The following PAPPA2 variants were observed in gnomAD, a reference collection of about 807,000 sequenced individuals.
The protein encoded by PAPPA2 is pappalysin 2, also known as pappalysin-2.
Under a neutral mutation model 176.4 loss-of-function variants are expected in PAPPA2, and 86 were observed. That is an observed-to-expected ratio of 0.49 (90% CI 0.41 to 0.58). The LOEUF is 0.58. Ranked by LOEUF, PAPPA2 falls within the 20% of genes least tolerant of loss-of-function variation. The pLI is 0.00. For synonymous variants in PAPPA2, 809 were observed against 852.2 expected (o/e 0.95, Z 0.88); for missense variants, 2,073 against 2,256.9 (o/e 0.92, Z 1.65).
intron 1 of PAPPA2, among the ~76,000 whole-genome samples, chr1:176,534,003 C>G (rs1221060776): frequency 6.6e-6 from 1 of 152,144 alleles, no homozygotes; most frequent in African/African-American, 2.4e-5. Flanking sequence ...TAAATGTTGA[C>G]TTACATTTTG....
At chr1:176,583,625 G>A (rs959971381) in intron 2 of PAPPA2, among the ~76,000 whole-genome samples, 14 of 151,986 alleles carry the variant, frequency 9.2e-5, no homozygotes, top group Non-Finnish European at 1.8e-4. Flanking sequence ...ATTTTTTAGC[G>A]ACATGGTCTC....
intron 3 of PAPPA2, among the ~76,000 whole-genome samples, chr1:176,665,572 T>C (rs1189749064): frequency 6.6e-6 from 1 of 152,218 alleles, no homozygotes; most frequent in Non-Finnish European, 1.5e-5. Flanking sequence ...ACTGCTTGTC[T>C]ATCCTGGATT....
At chr1:176,496,573 G>T (rs1647641206) in intron 1 of PAPPA2, among the ~76,000 whole-genome samples, 1 of 152,086 alleles carries the variant, frequency 6.6e-6, no homozygotes, top group Non-Finnish European at 1.5e-5. Flanking sequence ...GTTGTCTTTG[G>T]TGTCAGTTGG....
chr1:176,515,229 T>A (rs1199417471), intron 1 of PAPPA2, among the ~76,000 whole-genome samples: 1 of 152,130 alleles, frequency 6.6e-6, no homozygotes, highest in African/African-American at 2.4e-5. Context: ...GAGAGGGACT[T>A]GCAAATGTTA....
chr1:176,696,058 C>T (rs1301247460), intron 7 of PAPPA2, among the ~76,000 whole-genome samples, 199 bp downstream of exon 7: 2 of 150,688 alleles, frequency 1.3e-5, no homozygotes, highest in African/African-American at 4.9e-5. Context: ...GCAGAATGTT[C>T]CATATGTGCC....
At chr1:176,484,611 C>T (rs1035551767) in intron 1 of PAPPA2, among the ~76,000 whole-genome samples, 5 of 152,164 alleles carry the variant, frequency 3.3e-5, no homozygotes, top group African/African-American at 1.2e-4. Flanking sequence ...GGATTCTTTC[C>T]TCAGCCATGT....
intron 1 of PAPPA2, among the ~76,000 whole-genome samples, chr1:176,505,807 G>T (rs1019574546): frequency 1.3e-5 from 2 of 151,850 alleles, no homozygotes; most frequent in Admixed American, 1.3e-4. Flanking sequence ...GAGTTGCACA[G>T]GAAATGAGGT....
chr1:176,578,656 G>C (rs1202074361), intron 2 of PAPPA2, among the ~76,000 whole-genome samples: 1 of 152,152 alleles, frequency 6.6e-6, no homozygotes, highest in African/African-American at 2.4e-5. Flanking sequence ...AGGTAGTCAA[G>C]GAAGACTTCA....
intron 12 of PAPPA2, among the ~76,000 whole-genome samples, chr1:176,736,355 T>G (rs1571248982): frequency 6.6e-6 from 1 of 151,778 alleles, no homozygotes; most frequent in East Asian, 1.9e-4. Context: ...TAAAATGTAT[T>G]TCTTTTGTAC....
chr1:176,480,350 G>T (rs1652335756), intron 1 of PAPPA2, among the ~76,000 whole-genome samples: 1 of 152,184 alleles, frequency 6.6e-6, no homozygotes, highest in Non-Finnish European at 1.5e-5. Flanking sequence ...CATGGCTTTT[G>T]GGCAGGCTGA....
chr1:176,558,724 G>T (rs1651478247), intron 2 of PAPPA2, among the ~76,000 whole-genome samples: 1 of 152,158 alleles, frequency 6.6e-6, no homozygotes, highest in Admixed American at 6.5e-5. Flanking sequence ...ATTTCTCCCA[G>T]ATGACATCTT....
intron 21 of PAPPA2, among the ~76,000 whole-genome samples, chr1:176,820,662 C>T (rs921169653): frequency 6.6e-6 from 1 of 152,276 alleles, no homozygotes; most frequent in Non-Finnish European, 1.5e-5. Context: ...CTTCTCCCTT[C>T]CCTCTGCCTC....
At chr1:176,765,959 G>C in intron 15 of PAPPA2, 122 bp downstream of exon 15, 1 of 1,160,224 alleles carries the variant, frequency 8.6e-7, no homozygotes, top group Non-Finnish European at 1.2e-6. Flanking sequence ...GCAAAACATG[G>C]GGGCTCTAAC....
chr1:176,738,828 A>C (rs1408074020), intron 12 of PAPPA2, among the ~76,000 whole-genome samples: 1 of 152,082 alleles, frequency 6.6e-6, no homozygotes, highest in East Asian at 1.9e-4. Flanking sequence ...ACTCTCTAAG[A>C]TGTTTTTTTT....
intron 1 of PAPPA2, among the ~76,000 whole-genome samples, chr1:176,544,277 A>G (rs1277818524): frequency 6.6e-6 from 1 of 152,224 alleles, no homozygotes. Flanking sequence ...ACGCTTGCAT[A>G]CATAAAAATG....
chr1:176,556,516 A>T lies in PAPPA2; in HGVS notation c.194A>T (p.His65Leu). 1 of 1,614,214 alleles carries T rather than the reference A, an allele frequency of 6.2e-7. No homozygotes were observed. Among genetic ancestry groups the T allele is most frequent in the Non-Finnish European group, 8.5e-7 (1 of 1,180,040 alleles). ...KVRRPRASPQ[H>L]HLFGVYPSRA... is the part of the protein sequence containing the mutation. ...CGAAGACCCAGAGCTTCTCCACAGC[A>T]TCACCTCTTTGGAGTCTACCCCAGC... The change falls in exon 2 of 23, where the codon CAT becomes CTT. Residue 65 changes from histidine (H) to leucine (L), a missense_variant. Coordinates refer to ENST00000367662, the MANE Select transcript of PAPPA2 (RefSeq NM_020318.3).
intron 1 of PAPPA2, among the ~76,000 whole-genome samples, chr1:176,531,925 A>G (rs912883380): frequency 1.3e-5 from 2 of 152,126 alleles, no homozygotes; most frequent in Non-Finnish European, 2.9e-5. Flanking sequence ...TAGCACATCC[A>G]TTTCTTGGGA....
At position 176,482,796 on chromosome 1, in the gene PAPPA2, A is replaced by G. The variant is rs541095294; in HGVS notation, c.-917+19378A>G. Among the ~76,000 whole-genome samples, 14 of 152,242 alleles carry G rather than the reference A, an allele frequency of 9.2e-5. No homozygotes were observed. The South Asian group carries it at 1.0e-3, about 11-fold the overall frequency. On this transcript the variant is annotated intron_variant, in intron 1 of 22. Transcript: ENST00000367662. ...AGTAAAAGTCTTTGGTTTGAATCTT[A>G]TTGGACCAACTTGGGTTATGTGCTC... is the stretch of plus-strand genomic sequence containing the variant.
At chr1:176,639,467 A>G (rs147115379) in intron 3 of PAPPA2, among the ~76,000 whole-genome samples, 1 of 152,100 alleles carries the variant, frequency 6.6e-6, no homozygotes, top group Admixed American at 6.6e-5. Flanking sequence ...TATTCTTTAA[A>G]AAATGAGCTT....
Sources: allele counts gnomAD v4.1 joint callset (sites outside exome capture counted in the v4.1 genomes callset), GRCh38; gene constraint gnomAD v4.1.1; transcripts MANE v1.5; gene names NCBI Gene and HGNC (gene_info 2026-07-23, HGNC 2026-07-21).